ARL15: variants seen among roughly 807,000 people sequenced by gnomAD.
The protein encoded by ARL15 is ADP-ribosylation factor-like protein 15.
In ARL15, 19 loss-of-function variants were observed where a neutral mutation model predicts 25.2. That is an observed-to-expected ratio of 0.75 (90% confidence interval 0.53 to 1.10). ARL15 has a LOEUF of 1.10. ARL15 is among the 50% of genes least tolerant of loss of function. The pLI is 0.00. For synonymous variants in ARL15, 94 were observed against 86.8 expected, an observed-to-expected ratio of 1.08 and a Z score of -0.46; for missense variants, 220 against 246.0, an observed-to-expected ratio of 0.89 and a Z score of 0.71.
chr5:53,891,386 C>A (rs961782512), intron 4 of ARL15, among the ~76,000 whole-genome samples: 1 of 152,152 alleles, frequency 6.6e-6, no homozygotes, highest in Non-Finnish European at 1.5e-5. Context: ...TTCCTTACTG[C>A]GTGGGACTCT....
At position 53,922,352 on chromosome 5, in the gene ARL15, C is replaced by T. The variant is rs192894302; in HGVS notation, c.463-35639G>A. ...CCAGGAGAAGAATCCAATAGTTCAC[C>T]GTAAAAGGATCACTGTACCAGTTCA... is the stretch of plus-strand genomic sequence containing the variant. On this transcript the variant is annotated intron_variant, in intron 4 of 4. Transcript: ENST00000504924. Among the ~76,000 whole-genome samples, 75 of 152,286 alleles carry T rather than the reference C, an allele frequency of 4.9e-4. 1 individual carries two copies. Among genetic ancestry groups the T allele is most frequent in the African/African-American group, 1.7e-3 (69 of 41,558 alleles).
intron 4 of ARL15, among the ~76,000 whole-genome samples, chr5:53,949,546 A>T (rs1403099501): frequency 6.6e-6 from 1 of 152,202 alleles, no homozygotes; most frequent in Non-Finnish European, 1.5e-5. Flanking sequence ...CAGCATGCAT[A>T]AGATCAAACA....
At chr5:53,990,073 T>G (rs1235650251) in intron 4 of ARL15, among the ~76,000 whole-genome samples, 1 of 151,754 alleles carries the variant, frequency 6.6e-6, no homozygotes, top group African/African-American at 2.4e-5. Flanking sequence ...TTGAAAAATT[T>G]AAAAATTTGC....
chr5:54,139,541 T>TA (rs954903189), intron 3 of ARL15, among the ~76,000 whole-genome samples: 1 of 152,062 alleles, frequency 6.6e-6, no homozygotes, highest in Non-Finnish European at 1.5e-5. Flanking sequence ...GGGTAAGGGA[T>TA]AAAAAACAAC....
intron 4 of ARL15, among the ~76,000 whole-genome samples, chr5:54,053,602 ATTGACAGTGTTTACCC>A (rs1169710784): frequency 1.3e-5 from 2 of 152,228 alleles, no homozygotes; most frequent in African/African-American, 4.8e-5. Flanking sequence ...GATAAGTCAC[ATTGACAGTGTTTACCC>A]TTGATATGAT....
At chr5:54,076,682 A>C (rs1054053990) in intron 4 of ARL15, among the ~76,000 whole-genome samples, 2 of 152,194 alleles carry the variant, frequency 1.3e-5, no homozygotes, top group African/African-American at 4.8e-5. Context: ...TCTCGTTACA[A>C]TGGTACTACG....
At chr5:54,273,802 A>G (rs1246348163) in intron 1 of ARL15, among the ~76,000 whole-genome samples, 1 of 152,202 alleles carries the variant, frequency 6.6e-6, no homozygotes, top group East Asian at 1.9e-4. Context: ...AGTGGTGATC[A>G]TGACCATGAT....
chr5:54,127,298 C>G (rs35545340), intron 3 of ARL15, among the ~76,000 whole-genome samples: 57,881 of 152,020 alleles, frequency 0.38, 11,873 homozygotes, highest in Admixed American at 0.46. Context: ...TCTCCTTAAG[C>G]TGATAAGCAA....
At chr5:54,281,242 C>T (rs530223257) in intron 1 of ARL15, among the ~76,000 whole-genome samples, 13 of 152,162 alleles carry the variant, frequency 8.5e-5, no homozygotes, top group East Asian at 3.9e-4. Context: ...TGGGTTCAAG[C>T]GATTCTCCTG....
intron 1 of ARL15, among the ~76,000 whole-genome samples, chr5:54,208,575 C>A (rs1687490181): frequency 6.6e-6 from 1 of 152,122 alleles, no homozygotes; most frequent in Non-Finnish European, 1.5e-5. Context: ...TGGATAGCAA[C>A]AGCTAGAAGC....
intron 4 of ARL15, among the ~76,000 whole-genome samples, chr5:54,030,861 C>T (rs1377010416): frequency 3.9e-5 from 6 of 152,188 alleles, no homozygotes; most frequent in African/African-American, 1.4e-4. Flanking sequence ...GTTGAAAGTG[C>T]CATTCAAGCT....
chr5:54,241,549 A>G (rs1049871413), intron 1 of ARL15, among the ~76,000 whole-genome samples: 2 of 152,170 alleles, frequency 1.3e-5, no homozygotes, highest in African/African-American at 4.8e-5. Flanking sequence ...CTCTCAATGA[A>G]AGGTAAAATA....
chr5:54,050,524 C>G (rs1205117217), intron 4 of ARL15, among the ~76,000 whole-genome samples: 4 of 152,250 alleles, frequency 2.6e-5, no homozygotes, highest in African/African-American at 9.6e-5. Context: ...GTTTGACTTT[C>G]TCTTCAGATG....
intron 1 of ARL15, among the ~76,000 whole-genome samples, chr5:54,290,941 G>C (rs905077265): frequency 6.6e-6 from 1 of 152,084 alleles, no homozygotes; most frequent in Non-Finnish European, 1.5e-5. Flanking sequence ...TATATTTAAA[G>C]TCCTCAAAAT....
chr5:54,103,914 T>C (rs941582519), intron 4 of ARL15, among the ~76,000 whole-genome samples: 2 of 152,224 alleles, frequency 1.3e-5, no homozygotes, highest in East Asian at 1.9e-4. Flanking sequence ...GGACCAGCTT[T>C]CTTACCTGTT....
chr5:54,140,631 T>C (rs1753749218), intron 3 of ARL15, among the ~76,000 whole-genome samples: 1 of 152,160 alleles, frequency 6.6e-6, no homozygotes, highest in South Asian at 2.1e-4. Flanking sequence ...ATATTATAAA[T>C]AGAACAATCT....
chr5:54,296,869 T>C (rs1758478596), intron 1 of ARL15, among the ~76,000 whole-genome samples: 1 of 152,180 alleles, frequency 6.6e-6, no homozygotes, highest in Non-Finnish European at 1.5e-5. Flanking sequence ...TCCTAACGAG[T>C]TCTGCAGAGT....
intron 4 of ARL15, among the ~76,000 whole-genome samples, chr5:54,062,570 TGCTGCCATCCACATAA>T (rs954225585): frequency 6.6e-6 from 1 of 151,752 alleles, no homozygotes; most frequent in Non-Finnish European, 1.5e-5. Context: ...TCTTTTTGCC[TGCTGCCATCCACATAA>T]GATGTGATTT....
chr5:54,056,723 G>A lies in ARL15; in HGVS notation c.462+56479C>T, dbSNP rs901050329. ...TGGGGGGATGCCAGAGGCCACTAAA[G>A]GAGGGAGCATGGTGTGATGGAATAA... On this transcript the variant is annotated intron_variant, in intron 4 of 4. Coordinates refer to ENST00000504924, the MANE Select transcript of ARL15 (RefSeq NM_019087.3). Among the ~76,000 whole-genome samples the A allele has an allele frequency of 2.0e-5, 3 of 151,876 alleles. No homozygotes were observed. In the East Asian group the frequency reaches 5.8e-4, roughly 29 times the overall value.
Sources: allele counts gnomAD v4.1 joint callset (sites outside exome capture counted in the v4.1 genomes callset), GRCh38; gene constraint gnomAD v4.1.1; transcripts MANE v1.5; gene names NCBI Gene and HGNC (gene_info 2026-07-23, HGNC 2026-07-21).